Variants in NEGR1 observed in about 807,000 individuals in gnomAD.
NEGR1 encodes IgLON family member 4.
In NEGR1, 10 loss-of-function variants were observed where a neutral mutation model predicts 40.9. That is an observed-to-expected ratio of 0.24 (90% CI 0.15 to 0.42). NEGR1 has a LOEUF of 0.42. NEGR1 is among the 10% of genes least tolerant of loss of function. The probability of loss-of-function intolerance (pLI) is 1.00; values close to 1 mark genes in which losing one functional copy is unlikely to be tolerated. For missense variants in NEGR1, 352 were observed against 438.9 expected (o/e 0.80, Z 1.77); for synonymous variants, 185 against 166.8 (o/e 1.11, Z -0.84).
At chr1:72,039,535 G>A (rs1646933515) in intron 1 of NEGR1, among the ~76,000 whole-genome samples, 1 of 151,904 alleles carries the variant, frequency 6.6e-6, no homozygotes, top group Non-Finnish European at 1.5e-5. Flanking sequence ...GCATTTAACA[G>A]TAAGAACCCT....
At position 71,977,135 on chromosome 1, in the gene NEGR1, C is replaced by A. The variant is rs575071243; in HGVS notation, c.177-41824G>T. Among the ~76,000 whole-genome samples, 4 of 152,044 alleles carry A rather than the reference C, an allele frequency of 2.6e-5. No individual in the cohort carries two copies. In the East Asian group the frequency reaches 7.7e-4, roughly 29 times the overall value. On this transcript the variant is annotated intron_variant, in intron 1 of 6. Transcript: ENST00000357731. ...GTCAGGAGTTTGAGACCAATCTGGC[C>A]AACATGGTGAAACCCTGTCTCCACT... is the stretch of plus-strand genomic sequence containing the variant.
rs1443175873 is a variant in NEGR1 at position 71,935,076 on chromosome 1, T to C, written c.409+3A>G. ...ACAATATAGCAGTTCTGAAAATACA[T>C]ACCTTGCACAGTTAGATGCACCTGC... On this transcript the variant is annotated splice_donor_region_variant and intron_variant, in intron 2 of 6. Coordinates refer to ENST00000357731, the MANE Select transcript of NEGR1 (RefSeq NM_173808.3). The C allele has an allele frequency of 7.7e-6, 12 of 1,567,496 alleles. No homozygotes were observed. Among genetic ancestry groups the C allele is most frequent in the Admixed American group, 1.7e-5 (1 of 59,862 alleles).
In NEGR1 at chr1:71,404,165, T is replaced by TA. The variant is rs201512378; in HGVS notation, c.*3280_*3281insT. 21,453 of 142,460 alleles carry TA rather than the reference T, an allele frequency of 0.15. 2,275 individuals carry two copies. Among genetic ancestry groups the TA allele is most frequent in the African/African-American group, 0.33 (12,427 of 37,430 alleles). 8.8% of individuals were successfully genotyped at this position (142,460 alleles called of 1,614,324 possible). A position where few individuals can be genotyped will look rare whatever the true frequency, so the allele number is the denominator to read the frequency against. On this transcript the variant is annotated 3_prime_UTR_variant, in exon 7 of 7. Transcript: ENST00000357731. ...GTAGGGGTATTTATATATATATATA[T>TA]TTTTTTTTTTCCCTGAATTACCTGG...
intron 1 of NEGR1, among the ~76,000 whole-genome samples, chr1:72,086,284 C>T (rs903006793): frequency 1.3e-5 from 2 of 152,144 alleles, no homozygotes; most frequent in Non-Finnish European, 2.9e-5. Flanking sequence ...TGGATGAGCA[C>T]AAGACAGACT....
chr1:71,940,772 T>A lies in NEGR1; in HGVS notation c.177-5461A>T, dbSNP rs117476545. Among the ~76,000 whole-genome samples the A allele has an allele frequency of 9.1e-4, 138 of 152,242 alleles. 1 individual carries two copies. The highest frequency in any genetic ancestry group is 4.4e-3 in the East Asian group (23 of 5,180). ...GGTGATTAAATTGGAAAGGTGGACA[T>A]CAGAGAGTGTAGCGAAAAATAGCAT... On this transcript the variant is annotated intron_variant, in intron 1 of 6. Coordinates refer to ENST00000357731, the MANE Select transcript of NEGR1 (RefSeq NM_173808.3).
intron 6 of NEGR1, among the ~76,000 whole-genome samples, chr1:71,458,929 C>T (rs779341350): frequency 2.6e-5 from 4 of 152,116 alleles, no homozygotes; most frequent in Non-Finnish European, 4.4e-5. Flanking sequence ...TCCCCTCTGC[C>T]TCTTTGATCA....
At chr1:71,695,532 G>GT (rs1413214307) in intron 4 of NEGR1, among the ~76,000 whole-genome samples, 1 of 151,644 alleles carries the variant, frequency 6.6e-6, no homozygotes, top group African/African-American at 2.4e-5. Context: ...TTTTCCTACT[G>GT]TTTTCCCTCT....
chr1:71,981,725 T>C (rs146320451), intron 1 of NEGR1, among the ~76,000 whole-genome samples: 33 of 152,148 alleles, frequency 2.2e-4, no homozygotes, highest in African/African-American at 7.7e-4. Flanking sequence ...TGTAAGAATA[T>C]AGCACCATAA....
intron 3 of NEGR1, among the ~76,000 whole-genome samples, chr1:71,701,201 A>C (rs1653680318): frequency 6.6e-6 from 1 of 152,038 alleles, no homozygotes; most frequent in African/African-American, 2.4e-5. Context: ...TAAAATTAAC[A>C]CAGTGTCTCA....
At chr1:71,859,586 A>G (rs146857060) in intron 2 of NEGR1, among the ~76,000 whole-genome samples, 1 of 152,052 alleles carries the variant, frequency 6.6e-6, no homozygotes, top group Non-Finnish European at 1.5e-5. Flanking sequence ...ATGAAAGAAC[A>G]TGACTGCGTT....
At chr1:72,038,058 G>A (rs1646918531) in intron 1 of NEGR1, among the ~76,000 whole-genome samples, 1 of 152,070 alleles carries the variant, frequency 6.6e-6, no homozygotes, top group South Asian at 2.1e-4. Context: ...TCAGGACTTA[G>A]TAAAAGTGTC....
Position 72,198,975 on chromosome 1 carries a change from C to G in NEGR1, c.176+83344G>C, listed in dbSNP as rs1301914531. On this transcript the variant is annotated intron_variant, in intron 1 of 6. Coordinates refer to ENST00000357731, the MANE Select transcript of NEGR1 (RefSeq NM_173808.3). The stretch of plus-strand genomic sequence containing the variant: ...CCCCTAATGTTAACATCATATATCA[C>G]CACAGTACATTTTTAAAAATTATGA... 2.0e-5 allele frequency among the ~76,000 whole-genome samples: 3 copies of G among 151,918 alleles called. No homozygotes were observed. In the East Asian group the frequency reaches 5.8e-4, roughly 29 times the overall value.
chr1:72,117,787 C>T (rs906835124), intron 1 of NEGR1, among the ~76,000 whole-genome samples: 2 of 151,776 alleles, frequency 1.3e-5, no homozygotes, highest in Admixed American at 1.3e-4. Flanking sequence ...TTATATAGGC[C>T]AGACTGTAAG....
chr1:71,434,218 A>T (rs1049309372), intron 6 of NEGR1, among the ~76,000 whole-genome samples: 25 of 152,242 alleles, frequency 1.6e-4, no homozygotes, highest in Non-Finnish European at 3.1e-4. Flanking sequence ...ATGAATGCAT[A>T]TAATATATGA....
chr1:72,241,142 A>G (rs72941283), intron 1 of NEGR1, among the ~76,000 whole-genome samples: 3,544 of 151,810 alleles, frequency 0.023, 132 homozygotes, highest in African/African-American at 0.079. Flanking sequence ...TCATTTTTCA[A>G]TGGTATTTCT....
rs181293800 is a variant in NEGR1, at chr1:71,450,138, G to A, written c.941-42568C>T. Among the ~76,000 whole-genome samples the A allele has an allele frequency of 2.9e-3, 437 of 151,810 alleles. 1 individual carries two copies. Among genetic ancestry groups the A allele is most frequent in the African/African-American group, 9.9e-3 (411 of 41,418 alleles). On this transcript the variant is annotated intron_variant, in intron 6 of 6. Transcript: ENST00000357731. ...CCTGAGTAGCTGGGATTACATGGGC[G>A]TGCCACCACGCCTGGCTAATTTTTG...
chr1:71,855,948 T>C (rs1050901820), intron 2 of NEGR1, among the ~76,000 whole-genome samples: 1 of 152,068 alleles, frequency 6.6e-6, no homozygotes, highest in African/African-American at 2.4e-5. Flanking sequence ...TCTACAGCCA[T>C]ACCACACAAC....
At chr1:71,415,631 G>A (rs72674970) in intron 6 of NEGR1, among the ~76,000 whole-genome samples, 86 of 152,070 alleles carry the variant, frequency 5.7e-4, no homozygotes, top group Non-Finnish European at 1.1e-3. Context: ...AACAAATACC[G>A]CTATCTTTTA....
chr1:71,965,488 C>A (rs1040595621), intron 1 of NEGR1, among the ~76,000 whole-genome samples: 3 of 152,064 alleles, frequency 2.0e-5, no homozygotes, highest in South Asian at 4.1e-4. Flanking sequence ...AATGCAGTGG[C>A]CCTATCAATA....
Sources: allele counts gnomAD v4.1 joint callset (sites outside exome capture counted in the v4.1 genomes callset), GRCh38; gene constraint gnomAD v4.1.1; transcripts MANE v1.5; gene names NCBI Gene and HGNC (gene_info 2026-07-23, HGNC 2026-07-21).